GUCY2C: variants seen among roughly 807,000 people sequenced by gnomAD.
GUCY2C encodes guanylyl cyclase C.
Under a neutral mutation model 131.1 loss-of-function variants are expected in GUCY2C, and 118 were observed. The observed-to-expected ratio is 0.90, with a 90% CI of 0.78 to 1.05. GUCY2C has a LOEUF of 1.05. GUCY2C is among the 50% of genes least tolerant of loss of function. GUCY2C has a pLI of 0.00. For missense variants in GUCY2C, 1,161 were observed against 1,304.4 expected (o/e 0.89, Z 1.69); for synonymous variants, 452 against 457.8 (o/e 0.99, Z 0.16).
intron 19 of GUCY2C, among the ~76,000 whole-genome samples, chr12:14,629,865 A>C (rs1389254523): frequency 2.0e-5 from 3 of 152,224 alleles, no homozygotes; most frequent in Non-Finnish European, 2.9e-5. Flanking sequence ...TAGCAAGAAA[A>C]ATAAAGGACA....
intron 16 of GUCY2C, among the ~76,000 whole-genome samples, chr12:14,644,465 G>A (rs1010402893): frequency 1.3e-5 from 2 of 152,192 alleles, no homozygotes; most frequent in Non-Finnish European, 2.9e-5. Context: ...TTTCAGCCTG[G>A]ATCACAGGAG....
At chr12:14,687,802 A>G in intron 2 of GUCY2C, 149 bp downstream of exon 2, 1 of 602,912 alleles carries the variant, frequency 1.7e-6, no homozygotes, top group East Asian at 2.8e-5. Flanking sequence ...GGGTAAAGCC[A>G]GAGTCTCCTG....
At chr12:14,641,282 C>A (rs765667217) in intron 17 of GUCY2C, 63 bp from the exon 18 acceptor site, 1 of 1,508,734 alleles carries the variant, frequency 6.6e-7, no homozygotes, top group Non-Finnish European at 9.2e-7. Context: ...GGCCTCCAAC[C>A]TGCTTTTGCT....
intron 19 of GUCY2C, among the ~76,000 whole-genome samples, chr12:14,633,699 C>T (rs1373277768): frequency 6.7e-6 from 1 of 149,884 alleles, no homozygotes; most frequent in Admixed American, 6.6e-5. Flanking sequence ...AGAAATTTAC[C>T]AAAGAAATAG....
In GUCY2C at chr12:14,661,005, A is replaced by G. The variant is rs761635161; in HGVS notation, c.1340T>C (p.Leu447Pro). 1.9e-6 allele frequency: 3 copies of G among 1,612,546 alleles called. No homozygotes were observed. The highest frequency in any genetic ancestry group is 1.1e-5 in the South Asian group (1 of 91,052). The change falls in exon 11 of 27, where the codon CTG (leucine) becomes CCG (proline). Residue 447 changes from leucine (L) to proline (P), a missense_variant. Transcript: ENST00000261170. ...FTLTGAVVLL[L>P]LVALLMLRKY... ...CCTGAGCATCAGGAGAGCGACGAGC[A>G]GGAGCAGCACCACAGCTCCAGTGAG... is the stretch of plus-strand genomic sequence containing the variant.
At chr12:14,662,068 T>C (rs1016718791) in intron 10 of GUCY2C, among the ~76,000 whole-genome samples, 1 of 152,050 alleles carries the variant, frequency 6.6e-6, no homozygotes, top group African/African-American at 2.4e-5. Context: ...TCGTGGTTCA[T>C]ATATGCCGCA....
intron 15 of GUCY2C, among the ~76,000 whole-genome samples, chr12:14,648,780 T>C (rs1453227887): frequency 6.6e-6 from 1 of 152,244 alleles, no homozygotes; most frequent in African/African-American, 2.4e-5. Context: ...TTTCACGCAT[T>C]AGTGCTTTGG....
At chr12:14,622,269 G>T in intron 21 of GUCY2C, 72 bp from the exon 22 acceptor site, 3 of 973,612 alleles carry the variant, frequency 3.1e-6, no homozygotes, top group Non-Finnish European at 4.4e-6. Flanking sequence ...AAATCTTTCA[G>T]GTAGTAGTGA....
At chr12:14,663,809 G>A (rs1360233595) in intron 10 of GUCY2C, among the ~76,000 whole-genome samples, 1 of 152,068 alleles carries the variant, frequency 6.6e-6, no homozygotes, top group African/African-American at 2.4e-5. Context: ...CAATAAAAAT[G>A]GCTAATAAAA....
Position 14,625,770 on chromosome 12 carries a change from T to G in GUCY2C, c.2395A>C (p.Met799Leu). 6.2e-7 allele frequency: 1 copy of G among 1,613,884 alleles called. No homozygotes were observed. The highest frequency in any genetic ancestry group is 8.5e-7 in the Non-Finnish European group (1 of 1,179,888). The change falls in exon 21 of 27, where the codon ATG (methionine) becomes CTG (leucine). Residue 799 changes from methionine to leucine, a missense_variant. Physicochemically the swap from Met to Leu is conservative, Grantham distance 15 (BLOSUM62 2). Coordinates refer to ENST00000261170, the MANE Select transcript of GUCY2C (RefSeq NM_004963.4). ...ERDRADRLNF[M>L]LLPRLVVKSL... ...GGCTTGCCTTACCTTGGAAGCAACA[T>G]AAAGTTAAGTCTGTCAGCCCTGTCC...
At chr12:14,662,810 T>C (rs1009057101) in intron 10 of GUCY2C, among the ~76,000 whole-genome samples, 14 of 152,230 alleles carry the variant, frequency 9.2e-5, no homozygotes, top group African/African-American at 3.4e-4. Context: ...CAGAGGTCTT[T>C]ATTTTGGTTA....
chr12:14,619,217 C>G lies in GUCY2C; in HGVS notation c.2869G>C (p.Gly957Arg). Reference sequence around the variant, plus strand: ...AAACAGTCTCCCTTCTTACGGAGGCCAGTGGATTCCATCCTAGAGGCTGTG... The same window carrying G: ...AAACAGTCTCCCTTCTTACGGAGGCGAGTGGATTCCATCCTAGAGGCTGTG... ...VNTASRMESTGLPLRIHVSGS... is the reference protein window; with the variant it reads ...VNTASRMESTRLPLRIHVSGS... The change falls in exon 24 of 27, where the codon GGC becomes CGC. Residue 957 changes from glycine (G) to arginine (R), a missense_variant. Coordinates refer to ENST00000261170, the MANE Select transcript of GUCY2C (RefSeq NM_004963.4). The G allele has an allele frequency of 6.3e-7, 1 of 1,590,008 alleles. No homozygotes were observed. Among genetic ancestry groups the G allele is most frequent in the South Asian group, 1.1e-5 (1 of 90,484 alleles).
At chr12:14,614,993 G>A in intron 25 of GUCY2C, 50 bp from the exon 26 acceptor site, 1 of 909,154 alleles carries the variant, frequency 1.1e-6, no homozygotes, top group Non-Finnish European at 1.7e-6. Flanking sequence ...AGTCAGTTCA[G>A]TTGTAGACCA....
intron 19 of GUCY2C, among the ~76,000 whole-genome samples, chr12:14,630,614 A>G (rs1458253695): frequency 6.6e-6 from 1 of 152,218 alleles, no homozygotes; most frequent in Non-Finnish European, 1.5e-5. Flanking sequence ...AGGATAATGT[A>G]TGCAGGTTAT....
At chr12:14,637,057 C>T (rs939737496) in intron 19 of GUCY2C, among the ~76,000 whole-genome samples, 5 of 151,844 alleles carry the variant, frequency 3.3e-5, no homozygotes, top group African/African-American at 9.7e-5. Context: ...CACTCCACTG[C>T]ACTCCAGCCT....
chr12:14,639,387 G>A (rs1430590982), intron 19 of GUCY2C, among the ~76,000 whole-genome samples: 1 of 151,888 alleles, frequency 6.6e-6, no homozygotes, highest in African/African-American at 2.4e-5. Flanking sequence ...GGAAAGGCAC[G>A]GAGAATGCGG....
intron 20 of GUCY2C, among the ~76,000 whole-genome samples, chr12:14,626,705 G>T (rs1947024876): frequency 6.6e-6 from 1 of 152,146 alleles, no homozygotes; most frequent in Non-Finnish European, 1.5e-5. Flanking sequence ...ATACAAATTA[G>T]TATAGTTGAA....
At position 14,696,278 on chromosome 12, in the gene GUCY2C, C is replaced by G; in HGVS notation, c.171G>C (p.Ala57=). The G allele has an allele frequency of 6.2e-7, 1 of 1,614,094 alleles. No homozygotes were observed. Among genetic ancestry groups the G allele is most frequent in the African/African-American group, 1.3e-5 (1 of 75,018 alleles). Reference sequence around the variant, plus strand: ...TCACTATTTCCAGCCCCTCATTCACCGCATCTTCCAAGTTTTTCAGGGGCT... The same window carrying G: ...TCACTATTTCCAGCCCCTCATTCACGGCATCTTCCAAGTTTTTCAGGGGCT... ...FAEPLKNLED[A]VNEGLEIVRG... The change falls in exon 1 of 27, where the codon GCG becomes GCC. Residue 57 remains alanine, a synonymous_variant. Coordinates refer to ENST00000261170, the MANE Select transcript of GUCY2C (RefSeq NM_004963.4).
At chr12:14,682,125 A>G (rs1296824522) in intron 4 of GUCY2C, among the ~76,000 whole-genome samples, 1 of 152,078 alleles carries the variant, frequency 6.6e-6, no homozygotes, top group Non-Finnish European at 1.5e-5. Context: ...TTCTTCTACC[A>G]CCTTTGTTGG....
Sources: allele counts gnomAD v4.1 joint callset (sites outside exome capture counted in the v4.1 genomes callset), GRCh38; gene constraint gnomAD v4.1.1; transcripts MANE v1.5; gene names NCBI Gene and HGNC (gene_info 2026-07-23, HGNC 2026-07-21).